The following PCDH11X variants were observed in gnomAD, a reference collection of about 807,000 sequenced individuals.
PCDH11X encodes protocadherin-11 X-linked.
A neutral mutation model predicts 53.3 loss-of-function variants in PCDH11X; 18 were observed. That is an observed-to-expected ratio of 0.34 (90% confidence interval 0.23 to 0.50). The LOEUF is 0.50. PCDH11X is among the 20% of genes least tolerant of loss of function. The probability of loss-of-function intolerance (pLI) is 0.98; values close to 1 mark genes in which losing one functional copy is unlikely to be tolerated. For synonymous variants in PCDH11X, 279 were observed against 393.3 expected (o/e 0.71, Z 3.44); for missense variants, 570 against 1,032.4 (o/e 0.55, Z 6.14).
At chrX:92,493,899 G>A (rs1007582144) in intron 10 of PCDH11X, among the ~76,000 whole-genome samples, 10 of 109,649 alleles carry the variant, frequency 9.1e-5, no homozygotes, top group East Asian at 2.9e-4. Flanking sequence ...CAACCGCCTC[G>A]GCCTCCCGAA....
At chrX:92,108,043 G>A (rs1443782951) in intron 6 of PCDH11X, among the ~76,000 whole-genome samples, 1 of 112,231 alleles carries the variant, frequency 8.9e-6, no homozygotes, top group East Asian at 2.8e-4. Context: ...TCTTTGACAA[G>A]CTGAGTGAAG....
At chrX:92,154,891 A>G (rs1197376590) in intron 6 of PCDH11X, among the ~76,000 whole-genome samples, 1 of 104,504 alleles carries the variant, frequency 9.6e-6, no homozygotes, top group Non-Finnish European at 2.0e-5. Context: ...GTGTGATCCG[A>G]TTCTTCCCGT....
At chrX:92,559,515 G>C (rs2075101668) in intron 10 of PCDH11X, among the ~76,000 whole-genome samples, 1 of 110,378 alleles carries the variant, frequency 9.1e-6, no homozygotes, top group South Asian at 3.9e-4. Flanking sequence ...CATAGTACAT[G>C]GTTTTAATAT....
At chrX:91,832,644 T>TA (rs753937210) in intron 4 of PCDH11X, among the ~76,000 whole-genome samples, 222 of 108,354 alleles carry the variant, frequency 2.0e-3, no homozygotes, top group African/African-American at 7.3e-3. Flanking sequence ...AAAGTATAAT[T>TA]AAAAAAATTA....
intron 10 of PCDH11X, among the ~76,000 whole-genome samples, chrX:92,498,080 C>A (rs1323862275): frequency 9.0e-6 from 1 of 111,573 alleles, no homozygotes; most frequent in Non-Finnish European, 1.9e-5. Flanking sequence ...GACACACTCC[C>A]TGTTGGCTTA....
At chrX:92,257,061 C>T (rs1357235420) in intron 7 of PCDH11X, among the ~76,000 whole-genome samples, 1 of 111,621 alleles carries the variant, frequency 9.0e-6, no homozygotes, top group Admixed American at 9.5e-5. Context: ...AGCATAGCAG[C>T]TTCTGCTTCT....
chrX:91,902,240 A>C (rs888535522), intron 6 of PCDH11X, among the ~76,000 whole-genome samples: 1 of 110,278 alleles, frequency 9.1e-6, no homozygotes, highest in African/African-American at 3.3e-5. Context: ...TTGCTCTTCA[A>C]AACATCTTAA....
intron 10 of PCDH11X, among the ~76,000 whole-genome samples, chrX:92,565,120 C>T (rs767819663): frequency 1.8e-5 from 2 of 108,797 alleles, no homozygotes; most frequent in East Asian, 5.8e-4. Context: ...CAGGCAATGA[C>T]AAATTCTGGT....
chrX:92,489,728 TAA>T (rs1444856819), intron 10 of PCDH11X, among the ~76,000 whole-genome samples: 1 of 105,903 alleles, frequency 9.4e-6, no homozygotes, highest in Non-Finnish European at 1.9e-5. Context: ...TTTTTGAAAA[TAA>T]GAGGAATTAT....
intron 6 of PCDH11X, among the ~76,000 whole-genome samples, chrX:91,938,577 G>A (rs1183899069): frequency 9.1e-6 from 1 of 109,993 alleles, no homozygotes; most frequent in Non-Finnish European, 1.9e-5. Context: ...TCAGCACAGG[G>A]TCTCCCTTGG....
chrX:91,870,545 C>A (rs1297089175), intron 5 of PCDH11X, among the ~76,000 whole-genome samples: 1 of 109,867 alleles, frequency 9.1e-6, no homozygotes, highest in Non-Finnish European at 1.9e-5. Context: ...AATTCCTATT[C>A]TTTGGACTAA....
rs370990730 is a variant in PCDH11X at position 92,364,663 on chromosome X, G to A, written c.3145-23072G>A. ...TAGCTTTCTATGACTCTTTTACCTCGTAAACTTTTATTTTTTTCTAACTTT... is the reference window on the plus strand; with the variant it reads ...TAGCTTTCTATGACTCTTTTACCTCATAAACTTTTATTTTTTTCTAACTTT... On this transcript the variant is annotated intron_variant, in intron 8 of 10. Coordinates refer to ENST00000682573, the MANE Select transcript of PCDH11X (RefSeq NM_032968.5). Among the ~76,000 whole-genome samples, 15 of 109,441 alleles carry A rather than the reference G, an allele frequency of 1.4e-4. No homozygotes were observed. The East Asian group carries it at 2.9e-3, about 21-fold the overall frequency.
intron 9 of PCDH11X, among the ~76,000 whole-genome samples, chrX:92,408,381 T>G (rs2071568730): frequency 9.5e-6 from 1 of 105,572 alleles, no homozygotes; most frequent in African/African-American, 3.5e-5. Context: ...ATAACTGCAG[T>G]TTTTTCGTAA....
chrX:92,154,313 C>A (rs1406340879), intron 6 of PCDH11X, among the ~76,000 whole-genome samples: 1 of 110,613 alleles, frequency 9.0e-6, no homozygotes, highest in Non-Finnish European at 1.9e-5. Flanking sequence ...TCTTCTATGC[C>A]ATTAAGAAAA....
intron 6 of PCDH11X, among the ~76,000 whole-genome samples, chrX:92,102,293 T>G (rs1001200891): frequency 5.4e-5 from 6 of 111,428 alleles, no homozygotes; most frequent in African/African-American, 1.6e-4. Flanking sequence ...TTGTGATTTT[T>G]AGGGCCTCTA....
At chrX:92,325,906 A>G (rs2069318650) in intron 8 of PCDH11X, among the ~76,000 whole-genome samples, 1 of 111,968 alleles carries the variant, frequency 8.9e-6, no homozygotes, top group African/African-American at 3.2e-5. Flanking sequence ...CAGAGAAATT[A>G]ATGCCACAGT....
In PCDH11X at chrX:91,945,048, C is replaced by CATATATATATAT. The variant is rs754168068; in HGVS notation, c.3033+65784_3033+65795dup. On this transcript the variant is annotated intron_variant, in intron 6 of 10. Coordinates refer to ENST00000682573, the MANE Select transcript of PCDH11X (RefSeq NM_032968.5). ...TCTAAGTCTTCGTAGACATCATATA[C>CATATATATATAT]ATATATATATATATATATATTCTTA... 6.6e-3 allele frequency among the ~76,000 whole-genome samples: 416 copies of CATATATATATAT among 63,178 alleles called. 22 individuals are homozygous for CATATATATATAT. The highest frequency in any genetic ancestry group is 0.018 in the Middle Eastern group (2 of 112). The allele number at this position is 63,178 out of a possible 115,157, so 54.9% of individuals were successfully genotyped here.
At chrX:92,202,118 A>G (rs1052940590) in intron 7 of PCDH11X, among the ~76,000 whole-genome samples, 2 of 111,677 alleles carry the variant, frequency 1.8e-5, no homozygotes, top group African/African-American at 6.5e-5. Flanking sequence ...AGGTTTTTAT[A>G]CATTGGCATG....
At chrX:92,468,608 C>T (rs1451177280) in intron 10 of PCDH11X, among the ~76,000 whole-genome samples, 1 of 109,634 alleles carries the variant, frequency 9.1e-6, no homozygotes, top group Admixed American at 9.9e-5. Context: ...AAAGTAGTTG[C>T]TTTCAAATTA....
Sources: gnomAD v4.1 joint callset for allele counts (sites outside exome capture counted in the v4.1 genomes callset) on GRCh38, gnomAD v4.1.1 for gene constraint, MANE v1.5 for transcripts, NCBI Gene and HGNC (gene_info 2026-07-23, HGNC 2026-07-21) for gene names.